ARID1B: variants seen among roughly 807,000 people sequenced by gnomAD.
The protein encoded by ARID1B is AT-rich interactive domain-containing protein 1B.
A neutral mutation model predicts 212.3 loss-of-function variants in ARID1B; 30 were observed. The observed-to-expected ratio is 0.14, with a 90% confidence interval of 0.11 to 0.19. The LOEUF is 0.19. ARID1B is among the 10% of genes least tolerant of loss of function. The pLI, the probability that ARID1B is intolerant of heterozygous loss-of-function variation, is 1.00. For missense variants in ARID1B, 2,891 were observed against 3,204.0 expected, an observed-to-expected ratio of 0.90 and a Z score of 2.36; for synonymous variants, 1,402 against 1,301.7, an observed-to-expected ratio of 1.08 and a Z score of -1.66.
intron 4 of ARID1B, among the ~76,000 whole-genome samples, chr6:157,082,643 T>C (rs1459748371): frequency 1.3e-5 from 2 of 152,214 alleles, no homozygotes; most frequent in Non-Finnish European, 2.9e-5. Context: ...CTTGAACTCC[T>C]GGGCTCAAGC....
chr6:157,092,930 C>T (rs532491292), intron 5 of ARID1B, among the ~76,000 whole-genome samples: 25 of 152,130 alleles, frequency 1.6e-4, no homozygotes, highest in Non-Finnish European at 3.1e-4. Flanking sequence ...TCTGGAGAAG[C>T]ACTTCAGACA....
At position 157,203,657 on chromosome 6, in the gene ARID1B, C is replaced by T. The variant is rs865841527; in HGVS notation, c.5264-209C>T. 25 of 628,624 alleles carry T rather than the reference C, an allele frequency of 4.0e-5. No homozygotes were observed. The Middle Eastern group carries it at 1.4e-3, about 36-fold the overall frequency. 38.9% of individuals were successfully genotyped at this position (628,624 alleles called of 1,614,324 possible). On this transcript the variant is annotated intron_variant, in intron 18 of 19. Coordinates refer to ENST00000636930, the MANE Select transcript of ARID1B (RefSeq NM_001374828.1). The surrounding 1 kb of genome is among the most constrained non-coding windows in gnomAD (Gnocchi z 4.4). ...TTCGGCCCCTGCGTGACCAACAAAG[C>T]GAGATCTGAAACCACAAAAGTTTCT...
chr6:156,783,969 G>T (rs1231534566), intron 1 of ARID1B, among the ~76,000 whole-genome samples: 1 of 152,120 alleles, frequency 6.6e-6, no homozygotes, highest in Non-Finnish European at 1.5e-5. Flanking sequence ...TAGAAGTGTG[G>T]TGTGTTGCAT....
intron 11 of ARID1B, among the ~76,000 whole-genome samples, chr6:157,179,927 G>C (rs1351810422): frequency 6.6e-6 from 1 of 151,492 alleles, no homozygotes; most frequent in Non-Finnish European, 1.5e-5. Flanking sequence ...AAGAAAAAAG[G>C]AAAAAAAACT....
At chr6:157,036,863 C>A (rs781293616) in intron 4 of ARID1B, 1 of 501,340 alleles carries the variant, frequency 2.0e-6, no homozygotes, top group South Asian at 1.5e-5. Flanking sequence ...GAGGATGCAG[C>A]CTTTGGACTC....
At chr6:157,163,084 T>G (rs1314263350) in intron 8 of ARID1B, among the ~76,000 whole-genome samples, 4 of 152,204 alleles carry the variant, frequency 2.6e-5, no homozygotes, top group Admixed American at 2.6e-4. Flanking sequence ...TGCCTGTTTT[T>G]GTTTTGTTGC....
chr6:157,050,458 T>C (rs1782525782), intron 4 of ARID1B, among the ~76,000 whole-genome samples: 1 of 152,052 alleles, frequency 6.6e-6, no homozygotes, highest in African/African-American at 2.4e-5. Flanking sequence ...GCAGGAGAAT[T>C]GCTTGAACCC....
At chr6:157,133,603 G>A (rs749426615) in intron 7 of ARID1B, among the ~76,000 whole-genome samples, 2 of 152,300 alleles carry the variant, frequency 1.3e-5, no homozygotes, top group African/African-American at 2.4e-5. Context: ...AGTGATCACC[G>A]TCAAAACCCT....
chr6:157,133,178 G>A lies in ARID1B; in HGVS notation c.2732G>A (p.Gly911Asp), dbSNP rs774205020. The A allele has an allele frequency of 1.2e-6, 2 of 1,613,164 alleles. No individual in the cohort carries two copies. Among genetic ancestry groups the A allele is most frequent in the African/African-American group, 1.3e-5 (1 of 74,992 alleles). The change falls in exon 7 of 20, where the codon GGT (glycine) becomes GAT (aspartate). Residue 911 changes from glycine to aspartate, a missense_variant. Physicochemically the swap from Gly to Asp is moderately conservative, Grantham distance 94. Coordinates refer to ENST00000636930, the MANE Select transcript of ARID1B (RefSeq NM_001374828.1). ...CAGAGTAACTCAAGTGGGACTTACG[G>A]TCCACAGATGAGCCAGTATGGACCA... is the stretch of plus-strand genomic sequence containing the variant. ...FQQSNSSGTY[G>D]PQMSQYGPQG...
intron 11 of ARID1B, among the ~76,000 whole-genome samples, chr6:157,178,708 A>C (rs1792288478): frequency 6.9e-6 from 1 of 145,792 alleles, no homozygotes; most frequent in South Asian, 2.1e-4. Flanking sequence ...TGAGATAGGC[A>C]CAAGTTAATT....
chr6:156,886,676 G>A (rs528483966), intron 2 of ARID1B, among the ~76,000 whole-genome samples: 10 of 152,168 alleles, frequency 6.6e-5, no homozygotes, highest in South Asian at 6.2e-4. Flanking sequence ...GCCCTTGACC[G>A]TAACAAGGAC....
At chr6:157,023,560 T>G (rs1780461804) in intron 4 of ARID1B, 1 of 152,236 alleles carries the variant, frequency 6.6e-6, no homozygotes, top group Non-Finnish European at 1.5e-5. Context: ...CATATTCTAC[T>G]GTTACACTTA....
intron 4 of ARID1B, among the ~76,000 whole-genome samples, chr6:156,961,626 G>A (rs1008524033): frequency 6.6e-6 from 1 of 152,180 alleles, no homozygotes; most frequent in Non-Finnish European, 1.5e-5. Context: ...AGTACTGGGA[G>A]TATTTGAAGA....
intron 4 of ARID1B, among the ~76,000 whole-genome samples, chr6:156,987,482 T>A (rs1777996560): frequency 6.6e-6 from 1 of 152,062 alleles, no homozygotes; most frequent in African/African-American, 2.4e-5. Flanking sequence ...AGGCGCCCGC[T>A]ACTGCACCCG....
chr6:157,153,388 C>T (rs1790339570), intron 8 of ARID1B, among the ~76,000 whole-genome samples: 1 of 152,106 alleles, frequency 6.6e-6, no homozygotes, highest in African/African-American at 2.4e-5. Flanking sequence ...ACACTGATAC[C>T]CTTTTTATCT....
intron 6 of ARID1B, among the ~76,000 whole-genome samples, chr6:157,132,010 G>A (rs922500105): frequency 1.3e-5 from 2 of 152,124 alleles, no homozygotes; most frequent in Non-Finnish European, 2.9e-5. Context: ...GTTTTATGCA[G>A]GGGAGAGATA....
intron 6 of ARID1B, among the ~76,000 whole-genome samples, chr6:157,123,296 G>A (rs9480443): frequency 0.12 from 16,528 of 137,966 alleles, 1,069 homozygotes; most frequent in East Asian, 0.22. Flanking sequence ...CAGGAAGGAT[G>A]TATACTGCTT....
intron 1 of ARID1B, among the ~76,000 whole-genome samples, chr6:156,797,304 A>G (rs1780452247): frequency 6.6e-6 from 1 of 152,232 alleles, no homozygotes; most frequent in African/African-American, 2.4e-5. Context: ...AGGGATGAAC[A>G]GCAGTACAAG....
intron 4 of ARID1B, among the ~76,000 whole-genome samples, chr6:156,995,922 A>G (rs1393589699): frequency 6.6e-6 from 1 of 152,232 alleles, no homozygotes. Flanking sequence ...GCAACCCTAT[A>G]GAAAAAGAAT....
Sources: gnomAD v4.1 joint callset for allele counts (sites outside exome capture counted in the v4.1 genomes callset) on GRCh38, gnomAD v4.1.1 for gene constraint, Gnocchi (gnomAD v3.1) non-coding constraint, MANE v1.5 for transcripts, NCBI Gene and HGNC (gene_info 2026-07-23, HGNC 2026-07-21) for gene names.